CMTR1: variants seen among roughly 807,000 people sequenced by gnomAD.
The protein encoded by CMTR1 is cap-specific mRNA (nucleoside-2'-O-)-methyltransferase 1.
CMTR1 carries 39 observed loss-of-function variants against 107.0 expected under a neutral mutation model. The observed-to-expected ratio is 0.36, with a 90% CI of 0.28 to 0.48. The LOEUF is 0.48. Among genes scored for constraint, CMTR1 ranks in the 20% least tolerant of loss-of-function variants. The probability of loss-of-function intolerance (pLI) is 0.99; values close to 1 mark genes in which losing one functional copy is unlikely to be tolerated. For synonymous variants in CMTR1, 366 were observed against 379.5 expected, an observed-to-expected ratio of 0.96 and a Z score of 0.41; for missense variants, 672 against 1,064.9, an observed-to-expected ratio of 0.63 and a Z score of 5.14.
chr6:37,460,530 CTT>C (rs138671800), intron 10 of CMTR1, among the ~76,000 whole-genome samples: 6 of 141,036 alleles, frequency 4.3e-5, no homozygotes, highest in Non-Finnish European at 6.2e-5. Flanking sequence ...GTGACCTGGG[CTT>C]TTTTTTTTTT....
chr6:37,478,585 G>C, intron 22 of CMTR1, 64 bp downstream of exon 22: 1 of 1,341,734 alleles, frequency 7.5e-7, no homozygotes, highest in Non-Finnish European at 1.1e-6. Context: ...CAGGTGATGG[G>C]TCCAGACCCT....
chr6:37,464,072 T>C (rs1488336653), intron 13 of CMTR1, among the ~76,000 whole-genome samples: 3 of 152,190 alleles, frequency 2.0e-5, no homozygotes, highest in Non-Finnish European at 4.4e-5. Context: ...CTTTTCTTTT[T>C]CTAAAAAAGT....
At chr6:37,465,894 G>C (rs1419257706) in intron 13 of CMTR1, among the ~76,000 whole-genome samples, 1 of 149,956 alleles carries the variant, frequency 6.7e-6, no homozygotes, top group Non-Finnish European at 1.5e-5. Flanking sequence ...TCACTTGTCA[G>C]ATATGTGATT....
At chr6:37,479,329 TGGG>T in intron 23 of CMTR1, 74 bp downstream of exon 23, 4 of 1,058,256 alleles carry the variant, frequency 3.8e-6, no homozygotes, top group Non-Finnish European at 5.9e-6. Flanking sequence ...CCAGCTGTCT[TGGG>T]GGCACACCCT....
intron 23 of CMTR1, 54 bp from the exon 24 acceptor site, chr6:37,479,959 C>G (rs1157355499): frequency 6.9e-7 from 1 of 1,455,250 alleles, no homozygotes; most frequent in Non-Finnish European, 9.1e-7. Context: ...GAACACATGA[C>G]CCTGTGCCAT....
chr6:37,474,148 C>T (rs1393738386), intron 17 of CMTR1, among the ~76,000 whole-genome samples: 1 of 152,256 alleles, frequency 6.6e-6, no homozygotes, highest in African/African-American at 2.4e-5. Flanking sequence ...TGTACCCTCT[C>T]ACACTTTGTC....
intron 21 of CMTR1, 22 bp downstream of exon 21, chr6:37,477,661 G>C: frequency 6.2e-7 from 1 of 1,606,856 alleles, no homozygotes. Context: ...GACCGGTGAA[G>C]CTCAGATTCA....
chr6:37,428,851 GTTTGGTTATGATGCA>G (rs2113855784), upstream of CMTR1, among the ~76,000 whole-genome samples: 1 of 152,318 alleles, frequency 6.6e-6, no homozygotes, highest in South Asian at 2.1e-4. Context: ...GTTTCCAGCA[GTTTGGTTATGATGCA>G]TTTGGAAGTG....
chr6:37,434,400 G>T (rs1235105897), intron 1 of CMTR1, among the ~76,000 whole-genome samples: 1 of 152,026 alleles, frequency 6.6e-6, no homozygotes, highest in Admixed American at 6.5e-5. Flanking sequence ...CCAGCTTGTC[G>T]CCCACCCTGT....
At chr6:37,473,837 A>G (rs1167880150) in intron 17 of CMTR1, among the ~76,000 whole-genome samples, 1 of 152,200 alleles carries the variant, frequency 6.6e-6, no homozygotes, top group African/African-American at 2.4e-5. Context: ...TAAAGGGAAC[A>G]CTGCTACTTT....
chr6:37,472,443 CCTT>C lies in CMTR1; in HGVS notation c.1650_1652del (p.Ser552del). ...GATCCCAGACCAGGCTCGTGTGGCT[CCTT>C]CTTCCTCCGACCCTAAATCGAAGTT... On this transcript the variant is annotated inframe_deletion, in exon 16 of 24. Transcript: ENST00000373451. This position sits in a 1 kb window ranked among gnomAD's most constrained non-coding sequence, Gnocchi z 4.1. The C allele has an allele frequency of 3.1e-6, 5 of 1,614,188 alleles. No individual in the cohort carries two copies. The highest frequency in any genetic ancestry group is 4.2e-6 in the Non-Finnish European group (5 of 1,180,024).
At chr6:37,450,682 C>T (rs905529531) in intron 5 of CMTR1, among the ~76,000 whole-genome samples, 1 of 152,308 alleles carries the variant, frequency 6.6e-6, no homozygotes, top group South Asian at 2.1e-4. Context: ...TCCCTGCCCT[C>T]AGAAAGTAAT....
the CMTR1 span, among the ~76,000 whole-genome samples, chr6:37,424,483 G>A: frequency 2.0e-5 from 3 of 151,628 alleles, no homozygotes; most frequent in African/African-American, 7.3e-5. Context: ...TCCTGACCTC[G>A]TGATCCGCCC....
intron 8 of CMTR1, among the ~76,000 whole-genome samples, chr6:37,457,911 T>C (rs1211573858): frequency 4.6e-5 from 7 of 152,198 alleles, no homozygotes; most frequent in African/African-American, 9.7e-5. Context: ...GTGAACAGAT[T>C]ACTTTGTGAC....
At chr6:37,427,019 A>G in the CMTR1 span, among the ~76,000 whole-genome samples, 2 of 152,128 alleles carry the variant, frequency 1.3e-5, no homozygotes, top group African/African-American at 4.8e-5. This position sits in a 1 kb window ranked among gnomAD's most constrained non-coding sequence, Gnocchi z 4.4. Flanking sequence ...CAGAGGACAA[A>G]GTCCTCTTTG....
chr6:37,426,397 C>T, the CMTR1 span, among the ~76,000 whole-genome samples: 1 of 152,258 alleles, frequency 6.6e-6, no homozygotes, highest in African/African-American at 2.4e-5. Flanking sequence ...ATGGTAACTC[C>T]AGAAAGCCAA....
chr6:37,470,887 G>A (rs978847966), intron 13 of CMTR1, 134 bp from the exon 14 acceptor site: 35 of 612,186 alleles, frequency 5.7e-5, no homozygotes, highest in Middle Eastern at 4.2e-4. Flanking sequence ...GTAGGGGTGT[G>A]GGTTTCTTTC....
chr6:37,437,134 A>G (rs1308130011), intron 2 of CMTR1, among the ~76,000 whole-genome samples: 1 of 151,864 alleles, frequency 6.6e-6, no homozygotes, highest in Admixed American at 6.6e-5. Flanking sequence ...AGCTTGTCCA[A>G]CCTGTGGCCC....
chr6:37,452,431 A>G (rs1282538212), intron 6 of CMTR1, among the ~76,000 whole-genome samples: 6 of 152,168 alleles, frequency 3.9e-5, no homozygotes, highest in African/African-American at 1.2e-4. Flanking sequence ...AGCCAGGGAA[A>G]CTCTGAGGAG....
Sources: gnomAD v4.1 joint callset for allele counts (sites outside exome capture counted in the v4.1 genomes callset) on GRCh38, gnomAD v4.1.1 for gene constraint, Gnocchi (gnomAD v3.1) non-coding constraint, MANE v1.5 for transcripts, NCBI Gene and HGNC (gene_info 2026-07-23, HGNC 2026-07-21) for gene names.